Variants in TTLL11 observed in about 807,000 individuals in gnomAD.
TTLL11 encodes the protein tubulin tyrosine ligase like 11, also known as tubulin polyglutamylase TTLL11.
In TTLL11, 42 loss-of-function variants were observed where a neutral mutation model predicts 51.7. The ratio of observed to expected loss-of-function variants is 0.81; its 90% confidence interval spans 0.64 to 1.05. TTLL11 has a LOEUF of 1.05. Ranked by LOEUF, TTLL11 falls within the 50% of genes least tolerant of loss-of-function variation. The pLI is 0.00. For missense variants in TTLL11, 799 were observed against 940.4 expected, an observed-to-expected ratio of 0.85 and a Z score of 1.97; for synonymous variants, 381 against 383.5, an observed-to-expected ratio of 0.99 and a Z score of 0.08.
At chr9:122,052,377 CTT>C (rs2131851092) in intron 1 of TTLL11, among the ~76,000 whole-genome samples, 1 of 152,330 alleles carries the variant, frequency 6.6e-6, no homozygotes, top group South Asian at 2.1e-4. Flanking sequence ...ACTGCAGTGT[CTT>C]TGGATGGGGC....
intron 6 of TTLL11, among the ~76,000 whole-genome samples, chr9:121,879,329 T>TCCAC (rs1838687491): frequency 1.3e-5 from 2 of 152,272 alleles, no homozygotes; most frequent in African/African-American, 2.4e-5. Flanking sequence ...CTGCTCCTTC[T>TCCAC]TGGGAAACTC....
At chr9:121,937,283 A>G (rs990695738) in intron 6 of TTLL11, among the ~76,000 whole-genome samples, 1 of 152,208 alleles carries the variant, frequency 6.6e-6, no homozygotes. Context: ...AACATTTTAT[A>G]TCACATACAA....
intron 6 of TTLL11, among the ~76,000 whole-genome samples, chr9:121,965,497 T>G (rs1008320092): frequency 6.6e-6 from 1 of 152,140 alleles, no homozygotes; most frequent in Non-Finnish European, 1.5e-5. Flanking sequence ...GCCCCCATGA[T>G]CCAATCCCCT....
At chr9:122,008,631 C>T (rs946160095) in intron 3 of TTLL11, among the ~76,000 whole-genome samples, 3 of 152,078 alleles carry the variant, frequency 2.0e-5, no homozygotes, top group African/African-American at 4.8e-5. Context: ...ATTAGTATGG[C>T]CATTATGGAA....
At chr9:121,869,096 G>A (rs1838264706) in intron 7 of TTLL11, among the ~76,000 whole-genome samples, 1 of 152,186 alleles carries the variant, frequency 6.6e-6, no homozygotes, top group African/African-American at 2.4e-5. Flanking sequence ...TGATCCCAAA[G>A]CCTGTCCTCT....
rs1317038688 is a variant in TTLL11, at chr9:122,093,083, G to A, written c.66C>T (p.Ala22=). The A allele has an allele frequency of 3.3e-6, 5 of 1,504,870 alleles. No individual in the cohort carries two copies. Among genetic ancestry groups the A allele is most frequent in the Non-Finnish European group, 4.4e-6 (5 of 1,134,226 alleles). 93.2% of individuals were successfully genotyped at this position (1,504,870 alleles called of 1,614,324 possible). A position where few individuals can be genotyped will look rare whatever the true frequency, so the allele number is the denominator to read the frequency against. The part of the protein sequence containing the change: ...ARWEAEAVAA[A]KAAAKAEAEA... ...CGGCCTCAGCTTTGGCCGCCGCTTTGGCCGCAGCCACCGCCTCCGCCTCCC... is the reference window on the plus strand; with the variant it reads ...CGGCCTCAGCTTTGGCCGCCGCTTTAGCCGCAGCCACCGCCTCCGCCTCCC... The change falls in exon 1 of 9, where the codon GCC becomes GCT. Residue 22 remains alanine, a synonymous_variant. Coordinates refer to ENST00000321582, the MANE Select transcript of TTLL11 (RefSeq NM_001139442.2).
intron 6 of TTLL11, among the ~76,000 whole-genome samples, chr9:121,893,982 C>A (rs533866329): frequency 6.6e-6 from 1 of 151,806 alleles, no homozygotes; most frequent in African/African-American, 2.4e-5. Flanking sequence ...TGGGCCACCA[C>A]GAGCCACACC....
intron 3 of TTLL11, among the ~76,000 whole-genome samples, chr9:122,024,450 A>T (rs1410006721): frequency 6.6e-6 from 1 of 152,194 alleles, no homozygotes; most frequent in Non-Finnish European, 1.5e-5. Context: ...TATATTTCAT[A>T]TGGCTGATCA....
At chr9:122,054,192 A>T (rs1034310653) in intron 1 of TTLL11, among the ~76,000 whole-genome samples, 1 of 152,046 alleles carries the variant, frequency 6.6e-6, no homozygotes, top group Non-Finnish European at 1.5e-5. Context: ...AAGCTGGAAG[A>T]GCGGTGGTGA....
At chr9:122,007,249 A>G (rs566244255) in intron 3 of TTLL11, among the ~76,000 whole-genome samples, 8 of 152,142 alleles carry the variant, frequency 5.3e-5, no homozygotes, top group Admixed American at 5.2e-4. Flanking sequence ...CAGGGCAGGA[A>G]AAGTATAAGA....
intron 8 of TTLL11, among the ~76,000 whole-genome samples, chr9:121,826,641 A>G (rs1191128784): frequency 6.7e-6 from 1 of 148,964 alleles, no homozygotes; most frequent in Non-Finnish European, 1.5e-5. Context: ...CCCAATCCTC[A>G]TGCACTGCTG....
intron 4 of TTLL11, among the ~76,000 whole-genome samples, chr9:121,983,142 C>T (rs1281373458): frequency 1.3e-5 from 2 of 152,102 alleles, no homozygotes; most frequent in African/African-American, 4.8e-5. Flanking sequence ...AGGATATTTG[C>T]AAGAGTTGCT....
At chr9:121,904,377 G>A (rs901294999) in intron 6 of TTLL11, among the ~76,000 whole-genome samples, 23 of 151,926 alleles carry the variant, frequency 1.5e-4, no homozygotes, top group African/African-American at 4.6e-4. Context: ...GGGTTTCACC[G>A]TATTAGCCAG....
intron 6 of TTLL11, among the ~76,000 whole-genome samples, chr9:121,951,396 G>C (rs867728136): frequency 1.1e-4 from 17 of 152,098 alleles, no homozygotes; most frequent in African/African-American, 4.1e-4. Context: ...TGACCATATT[G>C]TATAGCAAGT....
chr9:121,876,229 A>G (rs1353632705), intron 6 of TTLL11, among the ~76,000 whole-genome samples: 1 of 152,234 alleles, frequency 6.6e-6, no homozygotes, highest in Non-Finnish European at 1.5e-5. Flanking sequence ...ATCAAATCAG[A>G]GACTTTTCTT....
chr9:122,030,327 A>C (rs1844500421), intron 3 of TTLL11, among the ~76,000 whole-genome samples: 1 of 152,124 alleles, frequency 6.6e-6, no homozygotes, highest in Non-Finnish European at 1.5e-5. Context: ...AATTTTAAGC[A>C]ATGTATATAA....
At chr9:122,080,468 A>T (rs1388523586) in intron 1 of TTLL11, among the ~76,000 whole-genome samples, 2 of 152,100 alleles carry the variant, frequency 1.3e-5, no homozygotes, top group African/African-American at 2.4e-5. Context: ...AGGATCGTTG[A>T]GGCCAAGAGT....
At chr9:121,998,133 A>C (rs985054995) in intron 3 of TTLL11, among the ~76,000 whole-genome samples, 1 of 152,134 alleles carries the variant, frequency 6.6e-6, no homozygotes, top group African/African-American at 2.4e-5. Context: ...TCTTCAGCTC[A>C]CTTCCGAATG....
At chr9:121,875,507 C>T (rs1412516647) in intron 6 of TTLL11, among the ~76,000 whole-genome samples, 1 of 152,182 alleles carries the variant, frequency 6.6e-6, no homozygotes, top group Non-Finnish European at 1.5e-5. Context: ...TGAAAAGAGT[C>T]TTCAAAGCCA....
Sources: allele counts gnomAD v4.1 joint callset (sites outside exome capture counted in the v4.1 genomes callset), GRCh38; gene constraint gnomAD v4.1.1; transcripts MANE v1.5; gene names NCBI Gene and HGNC (gene_info 2026-07-23, HGNC 2026-07-21).